RBFOX1: variants seen among roughly 807,000 people sequenced by gnomAD.
RBFOX1 encodes RNA binding protein fox-1 homolog 1.
In RBFOX1, 8 loss-of-function variants were observed where a neutral mutation model predicts 57.7. The ratio of observed to expected loss-of-function variants is 0.14; its 90% CI spans 0.08 to 0.25. The LOEUF (loss-of-function observed/expected upper bound fraction) is 0.25, where lower values mean the gene tolerates loss of function less well. Ranked by LOEUF, RBFOX1 falls within the 10% of genes least tolerant of loss-of-function variation. The pLI, the probability that RBFOX1 is intolerant of heterozygous loss-of-function variation, is 1.00. For missense variants in RBFOX1, 611 were observed against 548.5 expected (o/e 1.11, Z -1.14); for synonymous variants, 326 against 222.4 (o/e 1.47, Z -4.15).
intron 1 of RBFOX1, among the ~76,000 whole-genome samples, chr16:5,405,734 C>G (rs1328923247): frequency 6.6e-6 from 1 of 152,188 alleles, no homozygotes; most frequent in African/African-American, 2.4e-5. Flanking sequence ...TATTGTTGGT[C>G]TAAGCCAGTT....
At chr16:6,371,667 G>T (rs572118640) in intron 2 of RBFOX1, among the ~76,000 whole-genome samples, 1 of 152,226 alleles carries the variant, frequency 6.6e-6, no homozygotes, top group East Asian at 1.9e-4. Context: ...TTGGAGAGTG[G>T]TGTTTAGAAA....
At chr16:6,422,550 G>C (rs1215978240) in intron 2 of RBFOX1, among the ~76,000 whole-genome samples, 1 of 152,128 alleles carries the variant, frequency 6.6e-6, no homozygotes, top group African/African-American at 2.4e-5. Context: ...TCTGCAGGCT[G>C]TACAGGAAGC....
intron 3 of RBFOX1, among the ~76,000 whole-genome samples, chr16:5,710,040 T>C (rs1414972791): frequency 6.6e-6 from 1 of 150,520 alleles, no homozygotes; most frequent in Non-Finnish European, 1.5e-5. Context: ...TTTGTGATTT[T>C]TAAGTGCCCA....
intron 2 of RBFOX1, among the ~76,000 whole-genome samples, chr16:6,616,294 T>C (rs1407313247): frequency 6.6e-6 from 1 of 152,220 alleles, no homozygotes; most frequent in African/African-American, 2.4e-5. Flanking sequence ...TTATTAGTTA[T>C]ATGCTATATT....
chr16:7,432,278 A>T (rs1254368524), intron 4 of RBFOX1, among the ~76,000 whole-genome samples: 1 of 152,214 alleles, frequency 6.6e-6, no homozygotes, highest in Non-Finnish European at 1.5e-5. Flanking sequence ...CTGGGAGAGA[A>T]GTGAACTTTG....
intron 3 of RBFOX1, among the ~76,000 whole-genome samples, chr16:6,679,916 T>C (rs2058372958): frequency 7.0e-6 from 1 of 143,756 alleles, no homozygotes. Context: ...CATACTTTTC[T>C]GAGCTTTGCC....
In RBFOX1 at chr16:5,856,242, T is replaced by TATAC. The variant is rs2057048184; in HGVS notation, c.319-11058_319-11057insCATA. Among the ~76,000 whole-genome samples the TATAC allele has an allele frequency of 1.6e-4, 6 of 38,584 alleles. No individual in the cohort carries two copies. The South Asian group carries it at 2.7e-3, about 17-fold the overall frequency. The allele number at this position is 38,584 out of a possible 152,430, so 25.3% of individuals were successfully genotyped here. A position where few individuals can be genotyped will look rare whatever the true frequency, so the allele number is the denominator to read the frequency against. ...GTATATATATATGTATATATATGTG[T>TATAC]ATATATATGTATATATATGTATATA... is the stretch of plus-strand genomic sequence containing the variant. On this transcript the variant is annotated intron_variant, in intron 3 of 19. Transcript: ENST00000641259.
intron 3 of RBFOX1, among the ~76,000 whole-genome samples, chr16:6,803,697 C>A (rs572359032): frequency 6.6e-6 from 1 of 152,130 alleles, no homozygotes; most frequent in Non-Finnish European, 1.5e-5. Context: ...TTTTACCAGA[C>A]AGAGAATAGA....
intron 2 of RBFOX1, among the ~76,000 whole-genome samples, chr16:6,632,406 T>C (rs1016207041): frequency 6.6e-6 from 1 of 152,108 alleles, no homozygotes; most frequent in Non-Finnish European, 1.5e-5. Context: ...AGACCAGTTG[T>C]GTGTTGTCAT....
chr16:7,417,053 T>C (rs973319970), intron 4 of RBFOX1, among the ~76,000 whole-genome samples: 3 of 152,030 alleles, frequency 2.0e-5, no homozygotes, highest in Admixed American at 1.3e-4. Context: ...AGTTCATTGT[T>C]CATTTATATT....
chr16:6,123,585 G>C (rs984038327), intron 1 of RBFOX1, among the ~76,000 whole-genome samples: 1 of 152,158 alleles, frequency 6.6e-6, no homozygotes, highest in East Asian at 1.9e-4. Context: ...TAGCAGCGAT[G>C]GTTGTATAAC....
At chr16:6,861,297 A>G (rs1010713932) in intron 3 of RBFOX1, among the ~76,000 whole-genome samples, 1 of 152,180 alleles carries the variant, frequency 6.6e-6, no homozygotes, top group African/African-American at 2.4e-5. Context: ...TACAAAAACA[A>G]GGTCCCTTTC....
At chr16:6,106,704 G>A (rs1042385673) in intron 1 of RBFOX1, among the ~76,000 whole-genome samples, 1 of 152,028 alleles carries the variant, frequency 6.6e-6, no homozygotes, top group Admixed American at 6.6e-5. Context: ...GTGTCGCTCT[G>A]TTGCCCAGGG....
chr16:7,618,478 C>T (rs11077207), intron 10 of RBFOX1, among the ~76,000 whole-genome samples: 1 of 151,736 alleles, frequency 6.6e-6, no homozygotes, highest in Non-Finnish European at 1.5e-5. Flanking sequence ...TCGTGGTTTT[C>T]TCTAAATCTT....
At chr16:7,094,818 G>T (rs547644303) in intron 4 of RBFOX1, among the ~76,000 whole-genome samples, 6 of 143,446 alleles carry the variant, frequency 4.2e-5, no homozygotes, top group African/African-American at 7.5e-5. Flanking sequence ...TGAGACAGAG[G>T]GTAAGAGAAT....
chr16:6,903,336 G>C (rs1027845344), intron 3 of RBFOX1, among the ~76,000 whole-genome samples: 1 of 152,180 alleles, frequency 6.6e-6, no homozygotes, highest in Non-Finnish European at 1.5e-5. Context: ...AGTAAGGAAG[G>C]CGGTGCTTAT....
chr16:7,170,896 G>C lies in RBFOX1; in HGVS notation c.27+118798G>C, dbSNP rs76106350. Reference sequence around the variant, plus strand: ...GTTGAGGGTTTCATCAAAACGTCCAGCTCTGCTCTCAGCCATCTGGTTGGG... The same window carrying C: ...GTTGAGGGTTTCATCAAAACGTCCACCTCTGCTCTCAGCCATCTGGTTGGG... On this transcript the variant is annotated intron_variant, in intron 4 of 15. Transcript: ENST00000550418. 9.1e-3 allele frequency among the ~76,000 whole-genome samples: 1,390 copies of C among 152,232 alleles called. 23 individuals are homozygous for C. Among genetic ancestry groups the C allele is most frequent in the African/African-American group, 0.032 (1,312 of 41,520 alleles).
chr16:6,875,448 C>G (rs953268227), intron 3 of RBFOX1, among the ~76,000 whole-genome samples: 19 of 152,146 alleles, frequency 1.2e-4, no homozygotes, highest in African/African-American at 4.6e-4. Context: ...CCAGGACTCA[C>G]ACAAGATTCG....
intron 4 of RBFOX1, among the ~76,000 whole-genome samples, chr16:7,070,284 G>A (rs1473097720): frequency 6.6e-6 from 1 of 152,170 alleles, no homozygotes; most frequent in Admixed American, 6.5e-5. Context: ...TTGCCTCAGT[G>A]TGGTTTCTTA....
Sources: gnomAD v4.1 joint callset for allele counts (sites outside exome capture counted in the v4.1 genomes callset) on GRCh38, gnomAD v4.1.1 for gene constraint, MANE v1.5 for transcripts, NCBI Gene and HGNC (gene_info 2026-07-23, HGNC 2026-07-21) for gene names.